Variants in CCDC148 observed in about 807,000 individuals in gnomAD.
CCDC148 encodes the protein coiled-coil domain-containing protein 148.
Under a neutral mutation model 85.7 loss-of-function variants are expected in CCDC148, and 89 were observed. The observed-to-expected ratio is 1.04, with a 90% CI of 0.87 to 1.24. The LOEUF (loss-of-function observed/expected upper bound fraction) is 1.24, where lower values mean the gene tolerates loss of function less well. Among genes scored for constraint, CCDC148 ranks in the 50% most tolerant of loss-of-function variants. CCDC148 has a pLI of 0.00. For synonymous variants in CCDC148, 230 were observed against 213.9 expected (o/e 1.08, Z -0.66); for missense variants, 692 against 671.7 (o/e 1.03, Z -0.33).
At chr2:158,226,937 T>C (rs1687572424) in intron 10 of CCDC148, among the ~76,000 whole-genome samples, 4 of 152,110 alleles carry the variant, frequency 2.6e-5, no homozygotes. Flanking sequence ...TTCAACATAG[T>C]GTTGGAAGTT....
Position 158,332,433 on chromosome 2 carries a change from C to A in CCDC148, c.764+6293G>T, listed in dbSNP as rs540125337. ...AACCCGACCTTTCTCTCTGGCTGCC[C>A]TTAACATTTTTTCCCTCATTTCAAC... is the stretch of plus-strand genomic sequence containing the variant. On this transcript the variant is annotated intron_variant, in intron 7 of 13. Transcript: ENST00000283233. 2.2e-3 allele frequency among the ~76,000 whole-genome samples: 302 copies of A among 139,018 alleles called. 5 individuals are homozygous for A. The highest frequency in any genetic ancestry group is 2.4e-3 in the Non-Finnish European group (151 of 64,046). 91.2% of individuals were successfully genotyped at this position (139,018 alleles called of 152,430 possible).
chr2:158,252,400 G>A (rs1688831228), intron 9 of CCDC148, among the ~76,000 whole-genome samples: 1 of 151,500 alleles, frequency 6.6e-6, no homozygotes, highest in Non-Finnish European at 1.5e-5. Flanking sequence ...GATCATCCCT[G>A]CCTTCTGTCC....
At chr2:158,350,762 CAT>C (rs1683223147) in intron 2 of CCDC148, among the ~76,000 whole-genome samples, 2 of 151,984 alleles carry the variant, frequency 1.3e-5, no homozygotes, top group Non-Finnish European at 2.9e-5. Flanking sequence ...TTTTAATTGA[CAT>C]ATTGTAATTG....
chr2:158,172,210 C>G lies in CCDC148; in HGVS notation c.1679G>C (p.Gly560Ala). 1 of 1,608,690 alleles carries G rather than the reference C, an allele frequency of 6.2e-7. No individual in the cohort carries two copies. Among genetic ancestry groups the G allele is most frequent in the East Asian group, 2.2e-5 (1 of 44,624 alleles). The change falls in exon 14 of 14, where the codon GGA becomes GCA. Residue 560 changes from glycine (G) to alanine (A), a missense_variant. Gly to Ala is a moderately conservative substitution (Grantham distance 60). Coordinates refer to ENST00000283233, the MANE Select transcript of CCDC148 (RefSeq NM_138803.4). ...TTTAGCATAAAGTGTTCTATGAAGT[C>G]CAGCTTCTCGAAGTGCTAACTCGAA... ...LRFELALREA[G>A]LHRTLYAKEI...
intron 1 of CCDC148, among the ~76,000 whole-genome samples, chr2:158,374,172 G>A (rs1043441585): frequency 2.0e-5 from 3 of 152,012 alleles, no homozygotes; most frequent in African/African-American, 7.2e-5. Flanking sequence ...GAAGAAGTGA[G>A]GAAGAAAACA....
chr2:158,295,049 A>G (rs1691111603), intron 9 of CCDC148, among the ~76,000 whole-genome samples: 1 of 152,132 alleles, frequency 6.6e-6, no homozygotes, highest in Non-Finnish European at 1.5e-5. Flanking sequence ...TATTTGCCAT[A>G]TATCTTCCTT....
chr2:158,368,023 T>A (rs1342065837), intron 1 of CCDC148, among the ~76,000 whole-genome samples: 1 of 152,132 alleles, frequency 6.6e-6, no homozygotes, highest in East Asian at 1.9e-4. Context: ...AGCAGAACTT[T>A]CAGTTTCAAA....
intron 11 of CCDC148, among the ~76,000 whole-genome samples, chr2:158,220,167 C>G (rs1687098356): frequency 6.7e-6 from 1 of 148,270 alleles, no homozygotes; most frequent in Non-Finnish European, 1.5e-5. Flanking sequence ...TGGGCATGCC[C>G]TAAGTATGTT....
intron 1 of CCDC148, among the ~76,000 whole-genome samples, chr2:158,366,920 A>G (rs1684230721): frequency 6.6e-6 from 1 of 152,164 alleles, no homozygotes; most frequent in Non-Finnish European, 1.5e-5. Flanking sequence ...CCTTTCAGTA[A>G]CCTAAACCTT....
chr2:158,304,364 C>T (rs1048939881), intron 9 of CCDC148, among the ~76,000 whole-genome samples: 1 of 152,234 alleles, frequency 6.6e-6, no homozygotes. Context: ...AGTACTGTTG[C>T]CTTGATTGCT....
At chr2:158,376,387 A>G (rs1474599950) in intron 1 of CCDC148, among the ~76,000 whole-genome samples, 1 of 152,084 alleles carries the variant, frequency 6.6e-6, no homozygotes, top group Non-Finnish European at 1.5e-5. Flanking sequence ...ATAGTTTTCC[A>G]TGAAGGATCA....
chr2:158,413,411 A>G (rs1686353424), intron 1 of CCDC148, among the ~76,000 whole-genome samples: 1 of 152,210 alleles, frequency 6.6e-6, no homozygotes, highest in East Asian at 1.9e-4. Context: ...AAATCTCTTT[A>G]TAATTTAAGC....
intron 10 of CCDC148, among the ~76,000 whole-genome samples, chr2:158,235,530 A>G (rs1245603517): frequency 2.0e-5 from 3 of 152,168 alleles, no homozygotes; most frequent in Non-Finnish European, 2.9e-5. Flanking sequence ...CCTCCTCCCA[A>G]TACATGCTGC....
intron 1 of CCDC148, among the ~76,000 whole-genome samples, chr2:158,427,215 A>G (rs1687118462): frequency 6.6e-6 from 1 of 152,222 alleles, no homozygotes; most frequent in Admixed American, 6.5e-5. Flanking sequence ...CACATTAGGC[A>G]ACAATTCATA....
chr2:158,376,929 G>C (rs1684675085), intron 1 of CCDC148, among the ~76,000 whole-genome samples: 1 of 151,942 alleles, frequency 6.6e-6, no homozygotes. Flanking sequence ...GGTTTTCAGG[G>C]AGAGGCAGTG....
chr2:158,371,723 C>CATAT (rs57355662), intron 1 of CCDC148, among the ~76,000 whole-genome samples: 26,461 of 150,640 alleles, frequency 0.18, 2,958 homozygotes, highest in Middle Eastern at 0.26. Context: ...GGCATGTATA[C>CATAT]ATATATATAT....
At chr2:158,404,540 T>C (rs1317025651) in intron 1 of CCDC148, among the ~76,000 whole-genome samples, 1 of 152,148 alleles carries the variant, frequency 6.6e-6, no homozygotes, top group Non-Finnish European at 1.5e-5. Context: ...TTCAAACTCT[T>C]GAAACATCAC....
intron 9 of CCDC148, among the ~76,000 whole-genome samples, chr2:158,261,761 T>G (rs1689234104): frequency 6.6e-6 from 1 of 151,740 alleles, no homozygotes. Context: ...GCATAAGAAA[T>G]AAAGCTCAAT....
chr2:158,374,695 ATATGTG>A, intron 1 of CCDC148, among the ~76,000 whole-genome samples: 1 of 152,028 alleles, frequency 6.6e-6, no homozygotes. Context: ...ATATGTGTAT[ATATGTG>A]TATGTGTGTA....
Sources: allele counts gnomAD v4.1 joint callset (sites outside exome capture counted in the v4.1 genomes callset), GRCh38; gene constraint gnomAD v4.1.1; transcripts MANE v1.5; gene names NCBI Gene and HGNC (gene_info 2026-07-23, HGNC 2026-07-21).